Variants in LYRM4 observed in about 807,000 individuals in gnomAD.
LYRM4 encodes LYR motif containing 4.
Under a neutral mutation model 11.7 loss-of-function variants are expected in LYRM4, and 9 were observed. The ratio of observed to expected loss-of-function variants is 0.77; its 90% CI spans 0.46 to 1.34. The LOEUF is 1.34. Ranked by LOEUF, LYRM4 falls within the 40% of genes most tolerant of loss-of-function variation. The pLI is 0.00. For missense variants in LYRM4, 133 were observed against 112.5 expected, an observed-to-expected ratio of 1.18 and a Z score of -0.82; for synonymous variants, 42 against 40.4, an observed-to-expected ratio of 1.04 and a Z score of -0.15.
intron 1 of LYRM4, among the ~76,000 whole-genome samples, chr6:5,237,375 G>C (rs1484544954): frequency 1.3e-5 from 2 of 151,754 alleles, no homozygotes; most frequent in African/African-American, 4.8e-5. Context: ...ATCTGTCCCT[G>C]TCTCCCATCA....
intron 2 of LYRM4, among the ~76,000 whole-genome samples, chr6:5,153,522 C>T (rs1007121194): frequency 2.0e-4 from 31 of 152,130 alleles, no homozygotes; most frequent in African/African-American, 7.2e-4. Flanking sequence ...TCGGTGTGAC[C>T]GGGGGCAACT....
At chr6:5,118,094 A>ATAT in intron 2 of LYRM4, among the ~76,000 whole-genome samples, 1 of 86,114 alleles carries the variant, frequency 1.2e-5, no homozygotes, top group African/African-American at 3.9e-5. Context: ...ATATATATAT[A>ATAT]TTTTTGTTTT....
intron 2 of LYRM4, among the ~76,000 whole-genome samples, chr6:5,185,233 A>G (rs374253): frequency 0.36 from 54,254 of 152,090 alleles, 11,522 homozygotes; most frequent in African/African-American, 0.6. Flanking sequence ...GAATGAATGA[A>G]GATACTTGTC....
At chr6:5,253,047 T>TA (rs2127774321) in intron 1 of LYRM4, among the ~76,000 whole-genome samples, 1 of 152,342 alleles carries the variant, frequency 6.6e-6, no homozygotes, top group African/African-American at 2.4e-5. Flanking sequence ...ACTTCATTGA[T>TA]AAACTTCTTT....
intron 1 of LYRM4, among the ~76,000 whole-genome samples, chr6:5,241,151 G>A (rs1268144253): frequency 6.6e-6 from 1 of 152,046 alleles, no homozygotes; most frequent in Non-Finnish European, 1.5e-5. Context: ...TGCAAGGAAG[G>A]GCCTAGTATG....
intron 1 of LYRM4, among the ~76,000 whole-genome samples, chr6:5,226,156 C>T (rs191757185): frequency 2.4e-3 from 370 of 152,030 alleles, no homozygotes; most frequent in Non-Finnish European, 3.9e-3. Context: ...TTGTGTGGTC[C>T]GGTGTACCAA....
At chr6:5,134,065 C>T (rs901004489) in intron 2 of LYRM4, among the ~76,000 whole-genome samples, 63 of 152,336 alleles carry the variant, frequency 4.1e-4, no homozygotes, top group African/African-American at 1.4e-3. Flanking sequence ...CTGCTGTGAA[C>T]ATACGAATAC....
chr6:5,245,311 G>A (rs1764146813), intron 1 of LYRM4, among the ~76,000 whole-genome samples: 1 of 151,066 alleles, frequency 6.6e-6, no homozygotes. Flanking sequence ...GTCTGAACAT[G>A]GCCGCCCCGG....
At chr6:5,208,334 TGTG>T (rs1761814879) in intron 2 of LYRM4, among the ~76,000 whole-genome samples, 1 of 152,226 alleles carries the variant, frequency 6.6e-6, no homozygotes, top group Admixed American at 6.5e-5. Flanking sequence ...GTGAGACCAA[TGTG>T]CTTTCTCTGC....
At chr6:5,221,799 T>TA (rs1178028531) in intron 1 of LYRM4, among the ~76,000 whole-genome samples, 6 of 152,222 alleles carry the variant, frequency 3.9e-5, no homozygotes, top group Admixed American at 1.3e-4. Context: ...GTCAAATACT[T>TA]AGAGACTCAT....
Position 5,260,853 on chromosome 6 carries a change from G to A in LYRM4, c.-120C>T, listed in dbSNP as rs2127792424. 1 of 1,492,406 alleles carries A rather than the reference G, an allele frequency of 6.7e-7. No homozygotes were observed. The highest frequency in any genetic ancestry group is 2.5e-5 in the East Asian group (1 of 40,252). The allele number at this position is 1,492,406 out of a possible 1,614,324, so 92.4% of individuals were successfully genotyped here. A position where few individuals can be genotyped will look rare whatever the true frequency, so the allele number is the denominator to read the frequency against. ...AAATAAAATGCTGCGGCTCGGCTTT[G>A]CCAGCGGGCCGGGCCTAAGCCTAAG... On this transcript the variant is annotated 5_prime_UTR_variant, in exon 1 of 3. Coordinates refer to ENST00000330636, the MANE Select transcript of LYRM4 (RefSeq NM_020408.6).
chr6:5,154,603 T>C (rs1245279391), intron 2 of LYRM4, among the ~76,000 whole-genome samples: 1 of 151,204 alleles, frequency 6.6e-6, no homozygotes, highest in East Asian at 2.0e-4. Flanking sequence ...GATCATGAGG[T>C]CAGGAGATCG....
chr6:5,223,669 TAAGAA>T (rs1239226861), intron 1 of LYRM4, among the ~76,000 whole-genome samples: 5 of 152,204 alleles, frequency 3.3e-5, no homozygotes, highest in East Asian at 3.8e-4. Context: ...AAACATGTCT[TAAGAA>T]AAGACAAATG....
chr6:5,182,439 A>C (rs1432014637), intron 2 of LYRM4, among the ~76,000 whole-genome samples: 1 of 152,266 alleles, frequency 6.6e-6, no homozygotes, highest in African/African-American at 2.4e-5. Context: ...TTTAGCTTTT[A>C]ATCAATGCTT....
intron 2 of LYRM4, chr6:5,113,423 A>T (rs958094077): frequency 2.6e-6 from 1 of 384,422 alleles, no homozygotes; most frequent in Non-Finnish European, 5.3e-6. Flanking sequence ...GTTATCTAAA[A>T]GAAAAAGAGT....
chr6:5,173,405 GCACATTCATGTAT>G (rs1447808733), intron 2 of LYRM4, among the ~76,000 whole-genome samples: 1 of 152,184 alleles, frequency 6.6e-6, no homozygotes, highest in Non-Finnish European at 1.5e-5. Flanking sequence ...CTCTGTATGA[GCACATTCATGTAT>G]GTTCTCGAGA....
At chr6:5,216,418 G>A (rs138069815) in intron 2 of LYRM4, among the ~76,000 whole-genome samples, 200 bp downstream of exon 2, 3 of 152,200 alleles carry the variant, frequency 2.0e-5, no homozygotes, top group South Asian at 2.1e-4. Flanking sequence ...TGGAAATTCC[G>A]GAAAGCTGGT....
chr6:5,248,390 G>C (rs780141121), intron 1 of LYRM4, among the ~76,000 whole-genome samples: 1 of 152,236 alleles, frequency 6.6e-6, no homozygotes, highest in Non-Finnish European at 1.5e-5. Flanking sequence ...GGGTGAGCTA[G>C]CTAAAGGAGA....
At chr6:5,079,099 A>G in the LYRM4 span, among the ~76,000 whole-genome samples, 481 of 152,310 alleles carry the variant, frequency 3.2e-3, 2 homozygotes, top group African/African-American at 0.011. Flanking sequence ...GAATATTTCT[A>G]TGTGTACACA....
Sources: gnomAD v4.1 joint callset for allele counts (sites outside exome capture counted in the v4.1 genomes callset) on GRCh38, gnomAD v4.1.1 for gene constraint, MANE v1.5 for transcripts, NCBI Gene and HGNC (gene_info 2026-07-23, HGNC 2026-07-21) for gene names.